CADM1: variants seen among roughly 807,000 people sequenced by gnomAD.
CADM1 encodes the protein TSLC-1.
A neutral mutation model predicts 53.1 loss-of-function variants in CADM1; 15 were observed. That is an observed-to-expected ratio of 0.28 (90% confidence interval 0.19 to 0.44). CADM1 has a LOEUF of 0.44. Ranked by LOEUF, CADM1 falls within the 20% of genes least tolerant of loss-of-function variation. CADM1 has a pLI of 1.00. For synonymous variants in CADM1, 281 were observed against 243.0 expected, an observed-to-expected ratio of 1.16 and a Z score of -1.45; for missense variants, 434 against 611.3, an observed-to-expected ratio of 0.71 and a Z score of 3.06.
intron 1 of CADM1, among the ~76,000 whole-genome samples, chr11:115,299,940 A>G (rs552144184): frequency 7.9e-5 from 12 of 152,318 alleles, no homozygotes; most frequent in Non-Finnish European, 1.5e-4. Context: ...GCATTCAAGG[A>G]ATCTAAATCA....
At chr11:115,390,667 T>A (rs1224441800) in intron 1 of CADM1, among the ~76,000 whole-genome samples, 1 of 141,836 alleles carries the variant, frequency 7.1e-6, no homozygotes, top group Non-Finnish European at 1.5e-5. Flanking sequence ...GTTAGGCTAC[T>A]CTTAAAAAAA....
At chr11:115,303,018 G>A (rs2135140735) in intron 1 of CADM1, among the ~76,000 whole-genome samples, 1 of 152,198 alleles carries the variant, frequency 6.6e-6, no homozygotes, top group East Asian at 1.9e-4. Flanking sequence ...ACTGAGAAAA[G>A]TGCTTTGATG....
intron 1 of CADM1, among the ~76,000 whole-genome samples, chr11:115,400,426 T>C (rs894521210): frequency 6.6e-6 from 1 of 151,352 alleles, no homozygotes; most frequent in African/African-American, 2.4e-5. Flanking sequence ...CAAATCAATG[T>C]GGGAAAAGAT....
chr11:115,197,280 G>A (rs1359241595), intron 9 of CADM1, among the ~76,000 whole-genome samples: 1 of 152,156 alleles, frequency 6.6e-6, no homozygotes, highest in Non-Finnish European at 1.5e-5. Context: ...GTCTGTGCCA[G>A]GAAATGTTTC....
intron 9 of CADM1, 67 bp from the exon 10 acceptor site, chr11:115,191,008 C>T: frequency 1.5e-6 from 2 of 1,313,876 alleles, no homozygotes; most frequent in Non-Finnish European, 2.1e-6. Flanking sequence ...CACTTAAGAA[C>T]TGAGGATGAA....
Position 115,504,356 on chromosome 11 carries a change from C to G in CADM1, c.39G>C (p.Ala13=), listed in dbSNP as rs776600199. The G allele has an allele frequency of 2.6e-6, 4 of 1,548,656 alleles. No individual in the cohort carries two copies. Among genetic ancestry groups the G allele is most frequent in the Middle Eastern group, 1.8e-4 (1 of 5,494 alleles). The stretch of plus-strand genomic sequence containing the variant: ...GAGGCGCCGCCGCCGCCGCTGCCGC[C>G]GCACACTGGGATCCGCTCGGCAGCA... The part of the protein sequence containing the change: ...SVVLPSGSQC[A]AAAAAAAPPG... The change falls in exon 1 of 12, where the codon GCG becomes GCC. Residue 13 remains alanine, a synonymous_variant. Transcript: ENST00000331581.
chr11:115,390,734 A>C (rs1246731827), intron 1 of CADM1, among the ~76,000 whole-genome samples: 1 of 152,028 alleles, frequency 6.6e-6, no homozygotes, highest in Admixed American at 6.6e-5. Flanking sequence ...ATAGCAAAAC[A>C]AAAGAGGAAG....
chr11:115,388,570 G>GACATTGGGTATT (rs71066421), intron 1 of CADM1, among the ~76,000 whole-genome samples: 55,489 of 151,696 alleles, frequency 0.37, 10,578 homozygotes, highest in Non-Finnish European at 0.43. Context: ...AGGGTAGAAG[G>GACATTGGGTATT]ACATTGGGTA....
chr11:115,309,855 A>T (rs1944484424), intron 1 of CADM1, among the ~76,000 whole-genome samples: 1 of 152,180 alleles, frequency 6.6e-6, no homozygotes, highest in African/African-American at 2.4e-5. Context: ...TGTGCATAGC[A>T]TGGTGCTAAA....
chr11:115,437,501 CA>C (rs1260562431), intron 1 of CADM1, among the ~76,000 whole-genome samples: 3 of 152,194 alleles, frequency 2.0e-5, no homozygotes, highest in Non-Finnish European at 2.9e-5. Context: ...CGCAGGAAGA[CA>C]TTTTCTCACT....
At chr11:115,217,630 C>A (rs1941243106) in intron 6 of CADM1, among the ~76,000 whole-genome samples, 1 of 152,054 alleles carries the variant, frequency 6.6e-6, no homozygotes, top group South Asian at 2.1e-4. Flanking sequence ...AGAAAATAGT[C>A]CTGACAATCA....
intron 1 of CADM1, among the ~76,000 whole-genome samples, chr11:115,473,392 A>G (rs1307217394): frequency 6.6e-6 from 1 of 152,130 alleles, no homozygotes; most frequent in Non-Finnish European, 1.5e-5. Context: ...CCAGGAGTTC[A>G]AGGTTGCAGT....
rs1370383457 is a variant in CADM1, at chr11:115,173,450, G to A, written c.*3024C>T. ...GGAAGAGAACAAGGACAGGAAGGAT[G>A]AGCGGAGAAGGAGAGAGAGCGCGGC... On this transcript the variant is annotated 3_prime_UTR_variant, in exon 12 of 12. Transcript: ENST00000331581. The A allele has an allele frequency of 3.3e-5, 5 of 152,486 alleles. No homozygotes were observed. The highest frequency in any genetic ancestry group is 2.6e-4 in the Admixed American group (4 of 15,286). The allele number at this position is 152,486 out of a possible 1,614,324, so 9.4% of individuals were successfully genotyped here. A position where few individuals can be genotyped will look rare whatever the true frequency, so the allele number is the denominator to read the frequency against.
intron 8 of CADM1, among the ~76,000 whole-genome samples, chr11:115,205,932 C>A (rs772301055): frequency 6.6e-6 from 1 of 152,170 alleles, no homozygotes; most frequent in Non-Finnish European, 1.5e-5. Flanking sequence ...CCTTGACTTT[C>A]GATGGGGCTA....
Position 115,481,737 on chromosome 11 carries a change from TC to T in CADM1, c.124+22533del, listed in dbSNP as rs142938926. 2.1e-3 allele frequency among the ~76,000 whole-genome samples: 326 copies of T among 152,226 alleles called. 1 individual carries two copies. The highest frequency in any genetic ancestry group is 7.2e-3 in the African/African-American group (300 of 41,546). ...GACCATTAACCTAGACTCCTCCTCT[TC>T]CCACTCTCTTGATCAGTTATGAAAT... is the stretch of plus-strand genomic sequence containing the variant. On this transcript the variant is annotated intron_variant, in intron 1 of 11. Coordinates refer to ENST00000331581, the MANE Select transcript of CADM1 (RefSeq NM_001301043.2).
chr11:115,410,590 G>A (rs1371112219), intron 1 of CADM1, among the ~76,000 whole-genome samples: 3 of 152,034 alleles, frequency 2.0e-5, no homozygotes, highest in Admixed American at 1.3e-4. Context: ...TGATGAGATG[G>A]ACAAGAACAT....
chr11:115,329,809 A>G (rs1447790010), intron 1 of CADM1, among the ~76,000 whole-genome samples: 1 of 151,884 alleles, frequency 6.6e-6, no homozygotes, highest in African/African-American at 2.4e-5. Context: ...CAGGATGGAT[A>G]GGGAGCCGGA....
At chr11:115,329,391 AT>A (rs1022528099) in intron 1 of CADM1, among the ~76,000 whole-genome samples, 40 of 151,898 alleles carry the variant, frequency 2.6e-4, no homozygotes, top group African/African-American at 9.4e-4. Flanking sequence ...CAGTCTGGGC[AT>A]TTTTTTGAAG....
In CADM1 at chr11:115,184,780, C is replaced by T. The variant is rs183300546; in HGVS notation, c.1166-6005G>A. ...ACTGCAGTGATCATCCTCATGGTGC[C>T]ACCCAGAGCTCAGTATGTGTTCATT... On this transcript the variant is annotated intron_variant, in intron 10 of 11. Coordinates refer to ENST00000331581, the MANE Select transcript of CADM1 (RefSeq NM_001301043.2). 2.4e-3 allele frequency among the ~76,000 whole-genome samples: 360 copies of T among 152,326 alleles called. 1 individual carries two copies. The highest frequency in any genetic ancestry group is 4.5e-3 in the Non-Finnish European group (308 of 68,018).
Sources: gnomAD v4.1 joint callset for allele counts (sites outside exome capture counted in the v4.1 genomes callset) on GRCh38, gnomAD v4.1.1 for gene constraint, MANE v1.5 for transcripts, NCBI Gene and HGNC (gene_info 2026-07-23, HGNC 2026-07-21) for gene names.